The following ABCB5 variants were observed in gnomAD, a reference collection of about 807,000 sequenced individuals.
ABCB5 encodes the protein ATP binding cassette subfamily B member 5.
In ABCB5, 155 loss-of-function variants were observed where a neutral mutation model predicts 144.2. That is an observed-to-expected ratio of 1.08 (90% CI 0.94 to 1.23). The LOEUF (loss-of-function observed/expected upper bound fraction) is 1.23. Among genes scored for constraint, ABCB5 ranks in the 50% most tolerant of loss-of-function variants. The pLI is 0.00. For missense variants in ABCB5, 1,830 were observed against 1,520.8 expected (o/e 1.20, Z -3.38); for synonymous variants, 610 against 528.6 (o/e 1.15, Z -2.11).
chr7:20,632,114 G>A lies in ABCB5; in HGVS notation c.314+1G>A, dbSNP rs1452169129. On this transcript the variant is annotated splice_donor_variant, in intron 5 of 27. Coordinates refer to ENST00000404938, the MANE Select transcript of ABCB5 (RefSeq NM_001163941.2). LOFTEE classifies it high-confidence loss of function. ...AGAAGCTGAATGAAGATATGACTCT[G>A]TAAGTCCAAATGAAACGTTAATATC... The A allele has an allele frequency of 1.3e-6, 2 of 1,509,728 alleles. No homozygotes were observed. Among genetic ancestry groups the A allele is most frequent in the Non-Finnish European group, 1.8e-6 (2 of 1,125,902 alleles). 93.5% of individuals were successfully genotyped at this position (1,509,728 alleles called of 1,614,324 possible). A position where few individuals can be genotyped will look rare whatever the true frequency, so the allele number is the denominator to read the frequency against.
intron 23 of ABCB5, among the ~76,000 whole-genome samples, chr7:20,731,369 A>AAAAAAAAAAAATATAT (rs57305244): frequency 2.4e-5 from 3 of 123,072 alleles, no homozygotes; most frequent in African/African-American, 9.9e-5. Context: ...AAAAAAAAAA[A>AAAAAAAAAAAATATAT]ATATATATAT....
At position 20,745,373 on chromosome 7, in the gene ABCB5, T is replaced by C. The variant is rs201049710; in HGVS notation, c.3364T>C (p.Leu1122=). ...AYGDNSRVVP[L]DEIKEAANAA... ...TGGTGACAACAGCCGTGTGGTGCCA[T>C]TAGATGAGATCAAAGAAGCCGCAAA... is the stretch of plus-strand genomic sequence containing the variant. Residue 1122 remains leucine, a synonymous_variant, in exon 26 of 28, where the codon TTA becomes CTA. Coordinates refer to ENST00000404938, the MANE Select transcript of ABCB5 (RefSeq NM_001163941.2). 6.2e-7 allele frequency: 1 copy of C among 1,614,162 alleles called. No homozygotes were observed. The highest frequency in any genetic ancestry group is 8.5e-7 in the Non-Finnish European group (1 of 1,180,036).
chr7:20,728,304 G>T lies in ABCB5; in HGVS notation c.2727-11G>T, dbSNP rs775388602. On this transcript the variant is annotated splice_polypyrimidine_tract_variant and intron_variant, in intron 22 of 27. Coordinates refer to ENST00000404938, the MANE Select transcript of ABCB5 (RefSeq NM_001163941.2). ...CATGCCTCATTATTTGGTAAATTTT[G>T]TACATTCCAGAAATACCTCGAAGAA... The T allele has an allele frequency of 1.2e-6, 2 of 1,612,656 alleles. No individual in the cohort carries two copies. Among genetic ancestry groups the T allele is most frequent in the Non-Finnish European group, 1.7e-6 (2 of 1,179,334 alleles).
chr7:20,659,218 G>C (rs1348431717), intron 14 of ABCB5: 14 of 1,585,916 alleles, frequency 8.8e-6, no homozygotes, highest in Non-Finnish European at 1.7e-6. Flanking sequence ...GCCATATGCA[G>C]TTGTGGCCCT....
In ABCB5 at chr7:20,623,480, A is replaced by C. The variant is rs938116495; in HGVS notation, c.53+142A>C. On this transcript the variant is annotated intron_variant, in intron 2 of 27. Coordinates refer to ENST00000404938, the MANE Select transcript of ABCB5 (RefSeq NM_001163941.2). ...CATTTTGCTGAACTTGAACATAAGC[A>C]GTCTTATAATTAATTTAATAGTGAT... 4.3e-6 allele frequency: 3 copies of C among 695,514 alleles called. No individual in the cohort carries two copies. In the African/African-American group the frequency reaches 5.5e-5, roughly 13 times the overall value. The allele number at this position is 695,514 out of a possible 1,614,324, so 43.1% of individuals were successfully genotyped here. A position where few individuals can be genotyped will look rare whatever the true frequency, so the allele number is the denominator to read the frequency against.
intron 15 of ABCB5, among the ~76,000 whole-genome samples, chr7:20,684,746 G>T (rs375471672): frequency 1.3e-5 from 2 of 152,228 alleles, no homozygotes; most frequent in Admixed American, 6.5e-5. Context: ...GCTGGTTAAA[G>T]TTCATTGTCC....
At chr7:20,636,761 G>A (rs765436452) in intron 5 of ABCB5, among the ~76,000 whole-genome samples, 8 of 138,928 alleles carry the variant, frequency 5.8e-5, no homozygotes, top group African/African-American at 1.9e-4. Flanking sequence ...CTCAAGCCTC[G>A]GCAACAGAGC....
intron 14 of ABCB5, chr7:20,659,727 T>C (rs1784936500): frequency 1.0e-6 from 1 of 986,022 alleles, no homozygotes; most frequent in Non-Finnish European, 1.2e-6. Context: ...ATTTAGACTA[T>C]ATTCAAGCCT....
At chr7:20,622,368 G>T (rs999602922) in intron 1 of ABCB5, among the ~76,000 whole-genome samples, 75 of 152,214 alleles carry the variant, frequency 4.9e-4, no homozygotes, top group African/African-American at 1.7e-3. Flanking sequence ...ATTTACTTCT[G>T]TAAAAGGAAG....
At chr7:20,658,416 A>G in intron 13 of ABCB5, 90 bp from the exon 14 acceptor site, 1 of 1,318,936 alleles carries the variant, frequency 7.6e-7, no homozygotes, top group Non-Finnish European at 1.1e-6. Context: ...TTAAGCTGAT[A>G]TTAAAACACA....
At chr7:20,739,220 G>GA in intron 24 of ABCB5, 81 bp downstream of exon 24, 1 of 1,356,330 alleles carries the variant, frequency 7.4e-7, no homozygotes, top group Non-Finnish European at 9.5e-7. Context: ...GGGAGGGAGA[G>GA]AGGGGCAAGG....
intron 20 of ABCB5, among the ~76,000 whole-genome samples, chr7:20,713,905 A>G (rs73684820): frequency 0.035 from 4,574 of 130,810 alleles, 495 homozygotes; most frequent in African/African-American, 0.12. Flanking sequence ...CTAGTATTCT[A>G]TGCTGCAAAC....
chr7:20,749,606 T>G (rs1583469526), intron 26 of ABCB5, among the ~76,000 whole-genome samples: 1 of 152,040 alleles, frequency 6.6e-6, no homozygotes, highest in South Asian at 2.1e-4. Context: ...ACTGGGCTTT[T>G]ATTTAGGGAA....
At chr7:20,727,222 C>G in intron 22 of ABCB5, 82 bp downstream of exon 22, 3 of 898,494 alleles carry the variant, frequency 3.3e-6, no homozygotes, top group Non-Finnish European at 5.1e-6. Flanking sequence ...AGTGGTTTGC[C>G]TGCTAATTCA....
chr7:20,719,074 G>C (rs944521749), intron 20 of ABCB5, among the ~76,000 whole-genome samples: 3 of 152,146 alleles, frequency 2.0e-5, no homozygotes, highest in Non-Finnish European at 4.4e-5. Context: ...CTGCATGCAC[G>C]TAATAAACCA....
Position 20,723,047 on chromosome 7 carries a change from A to T in ABCB5, c.2453A>T (p.Gln818Leu), listed in dbSNP as rs909129023. 4 of 1,614,162 alleles carry T rather than the reference A, an allele frequency of 2.5e-6. No homozygotes were observed. The highest frequency in any genetic ancestry group is 3.3e-5 in the Admixed American group (2 of 60,018). The change falls in exon 21 of 28, where the codon CAA becomes CTA. Residue 818 changes from glutamine (Q) to leucine (L), a missense_variant. Coordinates refer to ENST00000404938, the MANE Select transcript of ABCB5 (RefSeq NM_001163941.2). ...ATGSRIGVLTQNATNMGLSVI... is the reference protein window; with the variant it reads ...ATGSRIGVLTLNATNMGLSVI... ...GGTTCCAGGATTGGCGTCTTAACAC[A>T]AAATGCAACTAACATGGGACTTTCA...
At chr7:20,649,636 C>T (rs1784517270) in intron 11 of ABCB5, among the ~76,000 whole-genome samples, 1 of 152,122 alleles carries the variant, frequency 6.6e-6, no homozygotes, top group South Asian at 2.1e-4. Flanking sequence ...GTTAGTATGT[C>T]CTAAGGAGGA....
chr7:20,685,667 A>G, intron 15 of ABCB5, 29 bp from the exon 16 acceptor site: 6 of 1,551,842 alleles, frequency 3.9e-6, no homozygotes, highest in Non-Finnish European at 5.2e-6. Context: ...GCATTCTTAT[A>G]ATGATAACCT....
At chr7:20,629,907 CA>C (rs1162781446) in intron 4 of ABCB5, among the ~76,000 whole-genome samples, 1 of 152,062 alleles carries the variant, frequency 6.6e-6, no homozygotes, top group African/African-American at 2.4e-5. Context: ...TAACATAATG[CA>C]GAAGAGAAGC....
Sources: allele counts gnomAD v4.1 joint callset (sites outside exome capture counted in the v4.1 genomes callset), GRCh38; gene constraint gnomAD v4.1.1; transcripts MANE v1.5; gene names NCBI Gene and HGNC (gene_info 2026-07-23, HGNC 2026-07-21).